The following COL11A1 variants were observed in gnomAD, a reference collection of about 807,000 sequenced individuals.
COL11A1 encodes collagen alpha-1(XI) chain.
Under a neutral mutation model 265.2 loss-of-function variants are expected in COL11A1, and 74 were observed. The ratio of observed to expected loss-of-function variants is 0.28; its 90% CI spans 0.23 to 0.34. COL11A1 has a LOEUF of 0.34. COL11A1 is among the 10% of genes least tolerant of loss of function. COL11A1 has a pLI of 1.00. For synonymous variants in COL11A1, 816 were observed against 727.6 expected (o/e 1.12, Z -1.96); for missense variants, 2,165 against 2,263.6 (o/e 0.96, Z 0.88).
intron 2 of COL11A1, among the ~76,000 whole-genome samples, chr1:103,081,152 C>A (rs1672381963): frequency 6.6e-6 from 1 of 151,730 alleles, no homozygotes; most frequent in Non-Finnish European, 1.5e-5. Flanking sequence ...TGGCTCTTAT[C>A]ACTTAAATAT....
At chr1:103,080,883 A>G (rs1672358701) in intron 2 of COL11A1, among the ~76,000 whole-genome samples, 1 of 151,802 alleles carries the variant, frequency 6.6e-6, no homozygotes, top group Non-Finnish European at 1.5e-5. Context: ...CAACCCTACT[A>G]CTGGGTATAT....
At chr1:103,048,533 TC>T (rs1669508250) in intron 4 of COL11A1, among the ~76,000 whole-genome samples, 1 of 152,186 alleles carries the variant, frequency 6.6e-6, no homozygotes, top group Admixed American at 6.5e-5. Flanking sequence ...ATTTTGTTGA[TC>T]TTTTCAGAAA....
At chr1:102,997,242 C>T (rs966884644) in intron 25 of COL11A1, 118 bp from the exon 26 acceptor site, 7 of 972,130 alleles carry the variant, frequency 7.2e-6, no homozygotes, top group African/African-American at 1.6e-5. Context: ...GTTTCAAAAA[C>T]ATTGAACACT....
At chr1:103,017,776 G>A (rs1185196054) in intron 11 of COL11A1, 44 bp downstream of exon 11, 6 of 1,476,474 alleles carry the variant, frequency 4.1e-6, no homozygotes, top group Non-Finnish European at 5.7e-6. Flanking sequence ...ATTTAAGTCT[G>A]TATGACATGC....
At chr1:102,973,819 AG>A in intron 36 of COL11A1, among the ~76,000 whole-genome samples, 1 of 152,350 alleles carries the variant, frequency 6.6e-6, no homozygotes, top group South Asian at 2.1e-4. Context: ...TAATTTAAGC[AG>A]GGTCTAAAAA....
At chr1:103,069,607 A>T (rs1428892870) in intron 4 of COL11A1, among the ~76,000 whole-genome samples, 2 of 151,926 alleles carry the variant, frequency 1.3e-5, no homozygotes, top group Non-Finnish European at 2.9e-5. Context: ...AGAAAACAAA[A>T]AAAAGGCAAG....
At chr1:102,923,999 G>A (rs1656286784) in intron 46 of COL11A1, among the ~76,000 whole-genome samples, 2 of 149,578 alleles carry the variant, frequency 1.3e-5, no homozygotes, top group South Asian at 2.1e-4. Flanking sequence ...ACGAGGTCAG[G>A]AGATCGAGAC....
chr1:102,917,583 A>G (rs72983763), intron 49 of COL11A1, among the ~76,000 whole-genome samples: 2,037 of 152,068 alleles, frequency 0.013, 45 homozygotes, highest in African/African-American at 0.046. Flanking sequence ...ACATCACAGA[A>G]AGTTAGAAAT....
intron 24 of COL11A1, among the ~76,000 whole-genome samples, chr1:102,998,666 A>C (rs1664852630): frequency 6.6e-6 from 1 of 151,850 alleles, no homozygotes; most frequent in Non-Finnish European, 1.5e-5. Context: ...GAGAACAAAA[A>C]GGAAAGCAAT....
At chr1:102,922,195 G>C (rs1656060643) in intron 47 of COL11A1, among the ~76,000 whole-genome samples, 1 of 152,104 alleles carries the variant, frequency 6.6e-6, no homozygotes, top group African/African-American at 2.4e-5. Context: ...CTGTACATTA[G>C]TACATTTCAC....
intron 4 of COL11A1, among the ~76,000 whole-genome samples, chr1:103,043,186 G>GTATATATGAAATACATCA (rs1376034426): frequency 1.6e-5 from 2 of 123,294 alleles, no homozygotes; most frequent in African/African-American, 6.2e-5. Flanking sequence ...TATATATAAT[G>GTATATATGAAATACATCA]TATATATGAA....
chr1:102,929,410 G>A (rs532061664), intron 46 of COL11A1, among the ~76,000 whole-genome samples: 75 of 151,876 alleles, frequency 4.9e-4, no homozygotes, highest in African/African-American at 1.6e-3. Flanking sequence ...GTAGATATGC[G>A]GCATTATTTC....
chr1:103,097,284 C>A (rs918939047), intron 1 of COL11A1, among the ~76,000 whole-genome samples: 2 of 151,946 alleles, frequency 1.3e-5, no homozygotes, highest in Non-Finnish European at 2.9e-5. Flanking sequence ...TCTTCCCCAG[C>A]ACCATCTCAC....
chr1:102,916,054 T>C (rs930605503), intron 49 of COL11A1, among the ~76,000 whole-genome samples: 2 of 152,230 alleles, frequency 1.3e-5, no homozygotes, highest in African/African-American at 4.8e-5. Context: ...CACTTTCAAA[T>C]TGTTGTTTGC....
intron 9 of COL11A1, among the ~76,000 whole-genome samples, chr1:103,019,488 T>G (rs1666823322): frequency 6.6e-6 from 1 of 152,158 alleles, no homozygotes; most frequent in African/African-American, 2.4e-5. Context: ...ACTGATTCAT[T>G]CTGAAAAAAA....
Position 102,962,742 on chromosome 1 carries a change from C to T in COL11A1, c.2935G>A (p.Gly979Ser). Residue 979 changes from glycine to serine, a missense_variant, in exon 39 of 67, where the codon GGT becomes AGT. By Grantham distance (56) the Gly-to-Ser change is moderately conservative (BLOSUM62 0). Coordinates refer to ENST00000370096, the MANE Select transcript of COL11A1 (RefSeq NM_001854.4). ...GGATGCCCACGTTCCCCTATTGGAC[C>T]AGTCTCACCGGTTGGTCCCTAAATT... The part of the protein sequence containing the change: ...VGPQGPTGET[G>S]PIGERGHPGP... 4 of 1,614,078 alleles carry T rather than the reference C, an allele frequency of 2.5e-6. No individual in the cohort carries two copies. Among genetic ancestry groups the T allele is most frequent in the Non-Finnish European group, 3.4e-6 (4 of 1,179,978 alleles).
intron 45 of COL11A1, 149 bp downstream of exon 45, chr1:102,934,911 A>T: frequency 1.3e-6 from 1 of 749,560 alleles, no homozygotes; most frequent in East Asian, 2.7e-5. Context: ...CAGCACGGCT[A>T]GCTATATTTG....
At chr1:102,953,829 T>C (rs1660121108) in intron 41 of COL11A1, among the ~76,000 whole-genome samples, 1 of 152,222 alleles carries the variant, frequency 6.6e-6, no homozygotes, top group African/African-American at 2.4e-5. Context: ...AACTTTTAAC[T>C]ATTTGTATAC....
chr1:103,021,594 T>C (rs1450243524), intron 9 of COL11A1, 113 bp downstream of exon 9: 1 of 757,638 alleles, frequency 1.3e-6, no homozygotes, highest in African/African-American at 1.7e-5. Context: ...ATTGCAAACA[T>C]CTGGACATCA....
Sources: allele counts gnomAD v4.1 joint callset (sites outside exome capture counted in the v4.1 genomes callset), GRCh38; gene constraint gnomAD v4.1.1; transcripts MANE v1.5; gene names NCBI Gene and HGNC (gene_info 2026-07-23, HGNC 2026-07-21).